MSRA: variants seen among roughly 807,000 people sequenced by gnomAD.
The protein encoded by MSRA is mitochondrial peptide methionine sulfoxide reductase.
In MSRA, 54 loss-of-function variants were observed where a neutral mutation model predicts 31.3. The ratio of observed to expected loss-of-function variants is 1.73; its 90% CI spans 1.39 to 2.17. The LOEUF is 2.17. Among genes scored for constraint, MSRA ranks in the 30% most tolerant of loss-of-function variants. MSRA has a pLI of 0.00. For missense variants in MSRA, 507 were observed against 300.9 expected (o/e 1.69, Z -5.07); for synonymous variants, 169 against 116.5 (o/e 1.45, Z -2.90).
intron 5 of MSRA, among the ~76,000 whole-genome samples, chr8:10,363,107 ATG>A (rs1804949810): frequency 6.6e-6 from 1 of 152,146 alleles, no homozygotes; most frequent in Admixed American, 6.5e-5. Context: ...CCCCCCAGAA[ATG>A]TCCACTCTTC....
At chr8:10,299,439 C>G (rs1490215963) in intron 3 of MSRA, among the ~76,000 whole-genome samples, 1 of 152,068 alleles carries the variant, frequency 6.6e-6, no homozygotes, top group Admixed American at 6.5e-5. Context: ...CCTACTGTAT[C>G]TTTTTCCCAA....
At chr8:10,236,581 C>A (rs1429915700) in intron 2 of MSRA, among the ~76,000 whole-genome samples, 1 of 152,180 alleles carries the variant, frequency 6.6e-6, no homozygotes, top group Non-Finnish European at 1.5e-5. Context: ...GTCTCACTCG[C>A]TCACTCAAGC....
intron 1 of MSRA, among the ~76,000 whole-genome samples, chr8:10,093,800 A>T (rs1328034290): frequency 6.6e-6 from 1 of 152,206 alleles, no homozygotes; most frequent in Non-Finnish European, 1.5e-5. Flanking sequence ...CTTGTAGAGC[A>T]GGTCTGCTAG....
intron 5 of MSRA, among the ~76,000 whole-genome samples, chr8:10,323,469 A>C (rs1221646559): frequency 2.6e-5 from 4 of 152,156 alleles, no homozygotes; most frequent in Non-Finnish European, 5.9e-5. Flanking sequence ...GTTCAAGGCC[A>C]GTGCCTTCCG....
intron 5 of MSRA, among the ~76,000 whole-genome samples, chr8:10,342,171 C>T (rs377560599): frequency 3.9e-5 from 6 of 152,130 alleles, no homozygotes; most frequent in East Asian, 1.9e-4. Flanking sequence ...GAGATTTTTC[C>T]GCTCATTTGT....
chr8:10,076,022 G>A (rs1797980509), intron 1 of MSRA, among the ~76,000 whole-genome samples: 1 of 152,254 alleles, frequency 6.6e-6, no homozygotes, highest in African/African-American at 2.4e-5. Context: ...TGAAGGGCAT[G>A]TTGGCTTGGT....
At chr8:10,077,400 T>A (rs1403678933) in intron 1 of MSRA, among the ~76,000 whole-genome samples, 1 of 151,992 alleles carries the variant, frequency 6.6e-6, no homozygotes, top group Non-Finnish European at 1.5e-5. Context: ...GGGGAAGATA[T>A]GGGAAGATGT....
At chr8:10,373,411 C>T (rs1201899703) in intron 5 of MSRA, among the ~76,000 whole-genome samples, 2 of 152,238 alleles carry the variant, frequency 1.3e-5, no homozygotes, top group Non-Finnish European at 2.9e-5. Context: ...CTGTGTTGCA[C>T]AGGCATGTGC....
At chr8:10,381,101 C>T (rs1207612446) in intron 5 of MSRA, among the ~76,000 whole-genome samples, 3 of 152,114 alleles carry the variant, frequency 2.0e-5, no homozygotes, top group Non-Finnish European at 4.4e-5. Context: ...TATTCCTATG[C>T]TTCTGTGGCT....
chr8:10,308,316 T>C (rs897753561), intron 4 of MSRA, among the ~76,000 whole-genome samples: 1 of 152,224 alleles, frequency 6.6e-6, no homozygotes, highest in Non-Finnish European at 1.5e-5. Context: ...TTAAAACGTC[T>C]TTAATCAAAC....
intron 3 of MSRA, among the ~76,000 whole-genome samples, chr8:10,257,944 CCA>C (rs570197735): frequency 1.3e-5 from 2 of 152,250 alleles, no homozygotes; most frequent in African/African-American, 2.4e-5. Flanking sequence ...CATGAGATTT[CCA>C]CACACACACG....
chr8:10,146,773 C>T (rs1398893564), intron 1 of MSRA, among the ~76,000 whole-genome samples: 3 of 152,056 alleles, frequency 2.0e-5, no homozygotes. Flanking sequence ...CTGGTCTGAG[C>T]CTCCTTAGGA....
intron 2 of MSRA, among the ~76,000 whole-genome samples, chr8:10,227,818 C>A (rs1811127310): frequency 6.6e-6 from 1 of 152,126 alleles, no homozygotes; most frequent in Admixed American, 6.5e-5. Context: ...CTTTTATTAG[C>A]AGAAGGTATT....
At chr8:10,374,480 T>A (rs1046669537) in intron 5 of MSRA, among the ~76,000 whole-genome samples, 26 of 152,220 alleles carry the variant, frequency 1.7e-4, no homozygotes, top group African/African-American at 6.0e-4. Flanking sequence ...GAAGGTCTTA[T>A]GAGTCCAGTA....
intron 5 of MSRA, among the ~76,000 whole-genome samples, chr8:10,322,862 T>A (rs1053612342): frequency 2.6e-5 from 4 of 151,984 alleles, no homozygotes; most frequent in Non-Finnish European, 4.4e-5. Flanking sequence ...GAGGCTGAAG[T>A]GGGCGGATCA....
intron 1 of MSRA, among the ~76,000 whole-genome samples, chr8:10,135,798 A>G (rs1317737850): frequency 6.6e-6 from 1 of 152,194 alleles, no homozygotes; most frequent in Non-Finnish European, 1.5e-5. Flanking sequence ...TGGCAGACGC[A>G]GTTCTGGAAT....
chr8:10,417,547 C>T (rs1357557045), intron 5 of MSRA, among the ~76,000 whole-genome samples: 1 of 152,118 alleles, frequency 6.6e-6, no homozygotes, highest in Non-Finnish European at 1.5e-5. Context: ...GGTGCATCTG[C>T]TCTGCACCAC....
intron 3 of MSRA, among the ~76,000 whole-genome samples, chr8:10,283,836 T>TATATATATATATATAAACACAC (rs1261287031): frequency 1.9e-5 from 1 of 53,162 alleles, no homozygotes; most frequent in Non-Finnish European, 3.2e-5. Flanking sequence ...TATATATATA[T>TATATATATATATATAAACACAC]ACACACACAC....
chr8:10,357,688 A>G (rs1024738872), intron 5 of MSRA, among the ~76,000 whole-genome samples: 12 of 152,188 alleles, frequency 7.9e-5, no homozygotes, highest in Non-Finnish European at 1.5e-4. Context: ...ATCAGAAAAA[A>G]GTATTTCAAG....
Sources: gnomAD v4.1 joint callset for allele counts (sites outside exome capture counted in the v4.1 genomes callset) on GRCh38, gnomAD v4.1.1 for gene constraint, MANE v1.5 for transcripts, NCBI Gene and HGNC (gene_info 2026-07-23, HGNC 2026-07-21) for gene names.